The following ANKRD45 variants were observed in gnomAD, a reference collection of about 807,000 sequenced individuals.
ANKRD45 encodes the protein ankyrin repeat domain 45.
A neutral mutation model predicts 28.1 loss-of-function variants in ANKRD45; 21 were observed. That is an observed-to-expected ratio of 0.75 (90% CI 0.53 to 1.08). ANKRD45 has a LOEUF of 1.08. Ranked by LOEUF, ANKRD45 falls within the 50% of genes least tolerant of loss-of-function variation. ANKRD45 has a pLI of 0.00. For missense variants in ANKRD45, 261 were observed against 308.7 expected (o/e 0.85, Z 1.16); for synonymous variants, 86 against 103.9 (o/e 0.83, Z 1.05).
At position 173,624,862 on chromosome 1, in the gene ANKRD45, T is replaced by C; in HGVS notation, c.655A>G (p.Ile219Val). Residue 219 changes from isoleucine (I) to valine (V), a missense_variant, in exon 5 of 6, where the codon ATT becomes GTT. Transcript: ENST00000333279. ...TGTCTCTGCTCAAAAAGCTCATTAA[T>C]GGAAGCTTCTGTATGGGTTTCCAAC... ...EWLETHTEASINELFEQRQQL... is the reference protein window; with the variant it reads ...EWLETHTEASVNELFEQRQQL... 3 of 1,613,862 alleles carry C rather than the reference T, an allele frequency of 1.9e-6. No individual in the cohort carries two copies. Among genetic ancestry groups the C allele is most frequent in the Non-Finnish European group, 2.5e-6 (3 of 1,179,806 alleles).
chr1:173,658,531 G>A (rs1669643655), intron 2 of ANKRD45: 1 of 152,120 alleles, frequency 6.6e-6, no homozygotes, highest in Non-Finnish European at 1.5e-5. Flanking sequence ...AGCATGAAGA[G>A]AATGTATATC....
intron 3 of ANKRD45, 100 bp from the exon 4 acceptor site, chr1:173,627,259 A>C: frequency 1.3e-6 from 1 of 750,052 alleles, no homozygotes; most frequent in South Asian, 1.7e-5. Context: ...ACCCCACAGA[A>C]ACACCAAATT....
chr1:173,659,586 CAAT>C (rs1193866012), intron 1 of ANKRD45, among the ~76,000 whole-genome samples, 153 bp from the exon 2 acceptor site: 2 of 152,122 alleles, frequency 1.3e-5, no homozygotes, highest in Non-Finnish European at 2.9e-5. Flanking sequence ...GCAATTCCAT[CAAT>C]AAAGTTTATT....
chr1:173,616,099 T>C (rs976190543), intron 5 of ANKRD45, among the ~76,000 whole-genome samples: 1 of 148,204 alleles, frequency 6.7e-6, no homozygotes, highest in Non-Finnish European at 1.5e-5. Context: ...TGAGACTCCA[T>C]CTCAAAAAAA....
At chr1:173,698,878 A>G in the ANKRD45 span, among the ~76,000 whole-genome samples, 1 of 152,150 alleles carries the variant, frequency 6.6e-6, no homozygotes. Context: ...CAATGAATCC[A>G]GGAGCTGTTT....
the ANKRD45 span, among the ~76,000 whole-genome samples, chr1:173,705,081 A>G: frequency 6.6e-6 from 1 of 152,138 alleles, no homozygotes; most frequent in African/African-American, 2.4e-5. Context: ...ACTCTTTTTC[A>G]GTCAAAGTGC....
At chr1:173,704,747 T>G in the ANKRD45 span, among the ~76,000 whole-genome samples, 13 of 152,350 alleles carry the variant, frequency 8.5e-5, no homozygotes, top group East Asian at 7.7e-4. Context: ...ACTGCTTTCT[T>G]GAACCACTCC....
the ANKRD45 span, among the ~76,000 whole-genome samples, chr1:173,691,322 C>A: frequency 6.6e-6 from 1 of 152,154 alleles, no homozygotes. Flanking sequence ...CCTGAGGCCG[C>A]CAGAAGGGGG....
At chr1:173,618,850 G>A (rs979249897) in intron 5 of ANKRD45, among the ~76,000 whole-genome samples, 4 of 152,100 alleles carry the variant, frequency 2.6e-5, no homozygotes, top group Non-Finnish European at 4.4e-5. Context: ...ATTCTCCAAG[G>A]TCAAAATGAA....
chr1:173,707,562 A>C, the ANKRD45 span, among the ~76,000 whole-genome samples: 1 of 152,062 alleles, frequency 6.6e-6, no homozygotes, highest in African/African-American at 2.4e-5. Context: ...TGAACTGCTG[A>C]CCTCAAGTGA....
At position 173,613,562 on chromosome 1, in the gene ANKRD45, G is replaced by GCTCC. The variant is rs1411989020; in HGVS notation, c.731-3348_731-3347insGGAG. Among the ~76,000 whole-genome samples, 221 of 105,762 alleles carry GCTCC rather than the reference G, an allele frequency of 2.1e-3. 21 individuals carry two copies. The highest frequency in any genetic ancestry group is 0.017 in the African/African-American group (199 of 11,836). 69.4% of individuals were successfully genotyped at this position (105,762 alleles called of 152,430 possible). Reference sequence around the variant, plus strand: ...CGTCCGGGAGGGAGGTGGGGGGTCAGCCCCCCCCCCGGCCAGCCGCCCCGT... The same window carrying GCTCC: ...CGTCCGGGAGGGAGGTGGGGGGTCAGCTCCCCCCCCCCCCGGCCAGCCGCCCCGT... On this transcript the variant is annotated intron_variant, in intron 5 of 5. Transcript: ENST00000333279.
At chr1:173,634,513 A>G (rs1668333144) in intron 3 of ANKRD45, among the ~76,000 whole-genome samples, 1 of 151,840 alleles carries the variant, frequency 6.6e-6, no homozygotes. Context: ...ATGCTTCCCC[A>G]ATCTTAGATA....
the ANKRD45 span, among the ~76,000 whole-genome samples, chr1:173,711,209 G>A: frequency 1.3e-5 from 2 of 152,154 alleles, no homozygotes; most frequent in African/African-American, 2.4e-5. Context: ...TGTGAACCCC[G>A]AAAATCTGAG....
At chr1:173,678,491 T>A in the ANKRD45 span, among the ~76,000 whole-genome samples, 2 of 152,030 alleles carry the variant, frequency 1.3e-5, no homozygotes, top group Non-Finnish European at 2.9e-5. Flanking sequence ...GAGATAAAAA[T>A]GGCATGCAAC....
chr1:173,646,740 G>T, intron 3 of ANKRD45, 106 bp downstream of exon 3: 1 of 1,128,756 alleles, frequency 8.9e-7, no homozygotes, highest in Non-Finnish European at 1.3e-6. Flanking sequence ...GACTGTGGTT[G>T]TATCTACAAA....
chr1:173,684,453 A>G, the ANKRD45 span, among the ~76,000 whole-genome samples: 1 of 152,186 alleles, frequency 6.6e-6, no homozygotes, highest in African/African-American at 2.4e-5. Flanking sequence ...GTGCTGTTTC[A>G]ATGAGCCTCT....
the ANKRD45 span, among the ~76,000 whole-genome samples, chr1:173,680,704 G>C: frequency 6.6e-6 from 1 of 151,538 alleles, no homozygotes; most frequent in Non-Finnish European, 1.5e-5. Flanking sequence ...AATAACAAAG[G>C]CTTGAAACCA....
chr1:173,610,267 C>G lies in ANKRD45; in HGVS notation c.731-52G>C, dbSNP rs753032067. On this transcript the variant is annotated intron_variant, in intron 5 of 5. Transcript: ENST00000333279. ...CATTTAATTAGTTTGCAATATGAAA[C>G]AAAATGAAGCCAGTTTTTAAGACAA... The G allele has an allele frequency of 5.3e-6, 8 of 1,515,110 alleles. No homozygotes were observed. In the South Asian group the frequency reaches 7.9e-5, roughly 15 times the overall value. 93.9% of individuals were successfully genotyped at this position (1,515,110 alleles called of 1,614,324 possible).
chr1:173,674,179 T>A (rs183725756), upstream of ANKRD45, among the ~76,000 whole-genome samples: 6 of 151,944 alleles, frequency 3.9e-5, no homozygotes, highest in Admixed American at 1.3e-4. Flanking sequence ...CCAGCTAATT[T>A]TTTTTTGTAT....
Sources: allele counts gnomAD v4.1 joint callset (sites outside exome capture counted in the v4.1 genomes callset), GRCh38; gene constraint gnomAD v4.1.1; transcripts MANE v1.5; gene names NCBI Gene and HGNC (gene_info 2026-07-23, HGNC 2026-07-21).